The following MAN1A1 variants were observed in gnomAD, a reference collection of about 807,000 sequenced individuals.
MAN1A1 encodes the protein mannosyl-oligosaccharide 1,2-alpha-mannosidase IA.
Under a neutral mutation model 70.8 loss-of-function variants are expected in MAN1A1, and 29 were observed. That is an observed-to-expected ratio of 0.41 (90% CI 0.31 to 0.56). The LOEUF is 0.56. Among genes scored for constraint, MAN1A1 ranks in the 20% least tolerant of loss-of-function variants. The pLI is 0.29. For missense variants in MAN1A1, 747 were observed against 841.3 expected (o/e 0.89, Z 1.39); for synonymous variants, 349 against 330.1 (o/e 1.06, Z -0.62).
At chr6:119,327,325 A>G (rs905532423) in intron 2 of MAN1A1, 5 of 151,958 alleles carry the variant, frequency 3.3e-5, no homozygotes, top group African/African-American at 1.2e-4. Flanking sequence ...CAACACAGAG[A>G]AGATTAGCAC....
chr6:119,288,333 C>A (rs771225161), intron 5 of MAN1A1, among the ~76,000 whole-genome samples: 19 of 151,882 alleles, frequency 1.3e-4, no homozygotes, highest in Non-Finnish European at 2.7e-4. Context: ...CATAGAAAGA[C>A]AAATTGTCCT....
Position 119,306,989 on chromosome 6 carries a change from T to C in MAN1A1, c.607A>G (p.Met203Val). ...TTATAATTATTCCAAGCATGTTTCA[T>C]CATCTGAAAAAAAAAATAAAAACAG... ...REKRAKIKEM[M>V]KHAWNNYKGY... Residue 203 changes from methionine to valine, a missense_variant, in exon 3 of 13, where the codon ATG becomes GTG. Coordinates refer to ENST00000368468, the MANE Select transcript of MAN1A1 (RefSeq NM_005907.4). 3 of 1,556,460 alleles carry C rather than the reference T, an allele frequency of 1.9e-6. No homozygotes were observed. The highest frequency in any genetic ancestry group is 2.7e-6 in the Non-Finnish European group (3 of 1,131,976).
chr6:119,241,375 A>G (rs1774998826), intron 6 of MAN1A1, among the ~76,000 whole-genome samples: 3 of 152,178 alleles, frequency 2.0e-5, no homozygotes, highest in African/African-American at 7.2e-5. Context: ...CTGAGATTTA[A>G]CTACATGGCT....
At chr6:119,287,020 C>G (rs151218496) in intron 5 of MAN1A1, among the ~76,000 whole-genome samples, 1 of 152,044 alleles carries the variant, frequency 6.6e-6, no homozygotes, top group East Asian at 1.9e-4. Context: ...TCAGTCTTCA[C>G]GGGATATGAA....
At chr6:119,189,159 C>T (rs1283329423) in intron 10 of MAN1A1, among the ~76,000 whole-genome samples, 2 of 152,146 alleles carry the variant, frequency 1.3e-5, no homozygotes, top group African/African-American at 4.8e-5. Flanking sequence ...TGAGCACCCA[C>T]CAGGCAGATA....
chr6:119,202,573 T>C (rs1010873795), intron 7 of MAN1A1, among the ~76,000 whole-genome samples: 7 of 152,188 alleles, frequency 4.6e-5, no homozygotes, highest in Admixed American at 1.3e-4. Context: ...CTGTACATAA[T>C]TATATGTGCT....
chr6:119,276,311 A>G (rs1389940418), intron 5 of MAN1A1, among the ~76,000 whole-genome samples: 1 of 152,208 alleles, frequency 6.6e-6, no homozygotes, highest in Non-Finnish European at 1.5e-5. Flanking sequence ...CTTGTTTAAC[A>G]TTTTACCCCC....
chr6:119,300,770 T>G (rs1006043800), intron 4 of MAN1A1, among the ~76,000 whole-genome samples: 3 of 152,184 alleles, frequency 2.0e-5, no homozygotes, highest in African/African-American at 7.2e-5. Context: ...TCCCTTAATA[T>G]TGATCGGAAT....
At chr6:119,270,142 A>C (rs11962211) in intron 5 of MAN1A1, among the ~76,000 whole-genome samples, 65,112 of 151,936 alleles carry the variant, frequency 0.43, 14,313 homozygotes, top group East Asian at 0.65. Context: ...ATTTCAGACT[A>C]ATCTTGTACA....
At chr6:119,293,934 A>C (rs1221266125) in intron 4 of MAN1A1, among the ~76,000 whole-genome samples, 2 of 152,054 alleles carry the variant, frequency 1.3e-5, no homozygotes, top group Admixed American at 1.3e-4. Context: ...AGGGACAATG[A>C]ATTCCTCCAT....
In MAN1A1 at chr6:119,348,834, G is replaced by C. The variant is rs1453086060; in HGVS notation, c.232C>G (p.Pro78Ala). 1 of 1,492,980 alleles carries C rather than the reference G, an allele frequency of 6.7e-7. No homozygotes were observed. Among genetic ancestry groups the C allele is most frequent in the Admixed American group, 2.3e-5 (1 of 44,126 alleles). The allele number at this position is 1,492,980 out of a possible 1,614,324, so 92.5% of individuals were successfully genotyped here. The change falls in exon 2 of 13, where the codon CCC (proline) becomes GCC (alanine). Residue 78 changes from proline (P) to alanine (A), a missense_variant. By Grantham distance (27) the Pro-to-Ala change is conservative (BLOSUM62 -1). This residue lies in a region of MAN1A1 where 328 missense variants were observed against 293.1 expected (regional missense o/e 1.12). Coordinates refer to ENST00000368468, the MANE Select transcript of MAN1A1 (RefSeq NM_005907.4). ...LLSGVLFHSS[P>A]ALQPAADHKP... ...TGGTCGGCGGCCGGCTGCAAGGCGG[G>C]GCTGGAGTGGAACAGGACCCCGCTG...
chr6:119,232,372 CAAAAA>C (rs71015028), intron 6 of MAN1A1, among the ~76,000 whole-genome samples: 9 of 89,386 alleles, frequency 1.0e-4, no homozygotes, highest in Non-Finnish European at 1.5e-4. Flanking sequence ...GACTCTGTCT[CAAAAA>C]AAAAAAAAAA....
At chr6:119,305,614 T>C (rs1772504927) in intron 3 of MAN1A1, among the ~76,000 whole-genome samples, 2 of 152,154 alleles carry the variant, frequency 1.3e-5, no homozygotes, top group Non-Finnish European at 2.9e-5. Flanking sequence ...CTTCTACTTT[T>C]CCCAGCTCTT....
intron 6 of MAN1A1, among the ~76,000 whole-genome samples, chr6:119,233,282 A>G (rs1028176970): frequency 6.6e-6 from 1 of 152,220 alleles, no homozygotes; most frequent in Non-Finnish European, 1.5e-5. Context: ...TATCTAATCA[A>G]TAACCTCTCT....
At chr6:119,283,940 CGAAGGTCAGTTG>C (rs1168027494) in intron 5 of MAN1A1, among the ~76,000 whole-genome samples, 5 of 152,184 alleles carry the variant, frequency 3.3e-5, no homozygotes, top group African/African-American at 1.2e-4. Context: ...GCTGGCAGTA[CGAAGGTCAGTTG>C]GATGAACATT....
chr6:119,307,745 T>C (rs1772571719), intron 2 of MAN1A1, among the ~76,000 whole-genome samples: 1 of 152,188 alleles, frequency 6.6e-6, no homozygotes, highest in South Asian at 2.1e-4. Context: ...TATTTTTGTA[T>C]GCATATTTTT....
At chr6:119,209,075 A>C (rs1301912569) in intron 6 of MAN1A1, among the ~76,000 whole-genome samples, 1 of 127,918 alleles carries the variant, frequency 7.8e-6, no homozygotes, top group Admixed American at 8.3e-5. Context: ...AGGGTGATAG[A>C]GTAAGACCCC....
At chr6:119,269,246 T>C (rs1174024118) in intron 5 of MAN1A1, 3 of 276,194 alleles carry the variant, frequency 1.1e-5, no homozygotes, top group South Asian at 3.1e-5. Context: ...ATAGCAGATA[T>C]TGGCCTTCTT....
chr6:119,271,919 T>G (rs879722731), intron 5 of MAN1A1, among the ~76,000 whole-genome samples: 6 of 152,174 alleles, frequency 3.9e-5, no homozygotes, highest in Non-Finnish European at 7.3e-5. Context: ...TCCAGTTACA[T>G]GTTCTCAGAC....
Sources: gnomAD v4.1 joint callset for allele counts (sites outside exome capture counted in the v4.1 genomes callset) on GRCh38, gnomAD v4.1.1 for gene constraint, gnomAD v4.1.1 regional missense constraint, MANE v1.5 for transcripts, NCBI Gene and HGNC (gene_info 2026-07-23, HGNC 2026-07-21) for gene names.